Variants in HSD17B2 observed in about 807,000 individuals in gnomAD.
The protein encoded by HSD17B2 is 17-beta-hydroxysteroid dehydrogenase type 2.
In HSD17B2, 32 loss-of-function variants were observed where a neutral mutation model predicts 26.9. The ratio of observed to expected loss-of-function variants is 1.19; its 90% CI spans 0.90 to 1.60. The LOEUF is 1.60. HSD17B2 is among the 40% of genes most tolerant of loss of function. The pLI is 0.00. For synonymous variants in HSD17B2, 246 were observed against 186.7 expected (o/e 1.32, Z -2.59); for missense variants, 613 against 468.6 (o/e 1.31, Z -2.85).
chr16:82,056,422 C>T (rs1914270481), intron 1 of HSD17B2: 1 of 152,134 alleles, frequency 6.6e-6, no homozygotes, highest in Non-Finnish European at 1.5e-5. Context: ...TTTCTATTAA[C>T]CAAGCCACAG....
intron 1 of HSD17B2, among the ~76,000 whole-genome samples, chr16:82,047,210 T>C (rs186970871): frequency 6.6e-6 from 1 of 152,354 alleles, no homozygotes; most frequent in African/African-American, 2.4e-5. Context: ...ATGAAGCTTG[T>C]CACTGTTTTC....
chr16:82,046,826 T>A (rs1234569931), intron 1 of HSD17B2, among the ~76,000 whole-genome samples: 3 of 152,114 alleles, frequency 2.0e-5, no homozygotes, highest in African/African-American at 7.2e-5. Flanking sequence ...ATGAAGAAAT[T>A]GAGGTTTTTC....
chr16:82,067,061 A>T (rs1327790636), intron 1 of HSD17B2, among the ~76,000 whole-genome samples: 4 of 152,214 alleles, frequency 2.6e-5, no homozygotes, highest in South Asian at 2.1e-4. Context: ...GTGTATGTGA[A>T]CACCTGCCCT....
intron 1 of HSD17B2, among the ~76,000 whole-genome samples, chr16:82,066,379 C>T (rs1271050884): frequency 6.6e-6 from 1 of 152,198 alleles, no homozygotes; most frequent in African/African-American, 2.4e-5. Context: ...GGAGTACACA[C>T]ACCTTTTGCC....
intron 1 of HSD17B2, among the ~76,000 whole-genome samples, chr16:82,051,007 C>T (rs946296563): frequency 3.9e-4 from 60 of 152,180 alleles, no homozygotes; most frequent in Admixed American, 5.9e-4. Flanking sequence ...AAAATCCCTG[C>T]CAACTGATAA....
chr16:82,060,788 CGGA>C (rs1914416635), intron 1 of HSD17B2, among the ~76,000 whole-genome samples: 1 of 152,058 alleles, frequency 6.6e-6, no homozygotes, highest in Non-Finnish European at 1.5e-5. Flanking sequence ...AGGGAGCACT[CGGA>C]GGAGCTTTAG....
chr16:82,068,130 C>G, intron 1 of HSD17B2, 40 bp from the exon 2 acceptor site: 1 of 1,526,746 alleles, frequency 6.5e-7, no homozygotes, highest in Non-Finnish European at 9.1e-7. Context: ...TCCTGTCACT[C>G]TGGTTTGACC....
At chr16:82,073,386 G>C (rs1407610415) in intron 3 of HSD17B2, among the ~76,000 whole-genome samples, 3 of 151,894 alleles carry the variant, frequency 2.0e-5, no homozygotes. Flanking sequence ...ACCACACCTA[G>C]CTAATTTTTT....
chr16:82,057,816 C>G (rs982537254), intron 1 of HSD17B2, among the ~76,000 whole-genome samples: 3 of 152,176 alleles, frequency 2.0e-5, no homozygotes, highest in African/African-American at 7.2e-5. Context: ...GATGAGCACT[C>G]CGTCAAACTA....
chr16:82,036,044 T>C (rs1319797859), intron 1 of HSD17B2, among the ~76,000 whole-genome samples: 1 of 152,166 alleles, frequency 6.6e-6, no homozygotes, highest in East Asian at 1.9e-4. Context: ...TGTTCTGACA[T>C]CATTGTTTGG....
intron 1 of HSD17B2, among the ~76,000 whole-genome samples, chr16:82,054,972 G>A (rs918653978): frequency 6.6e-6 from 1 of 152,220 alleles, no homozygotes; most frequent in Non-Finnish European, 1.5e-5. Flanking sequence ...TTTGAGGCCA[G>A]ATGGTTCTTT....
chr16:82,057,347 C>T (rs1415246499), intron 1 of HSD17B2, among the ~76,000 whole-genome samples: 1 of 152,004 alleles, frequency 6.6e-6, no homozygotes, highest in Non-Finnish European at 1.5e-5. Flanking sequence ...TACAGGCGCG[C>T]ACCAACATGC....
At chr16:82,050,406 G>A (rs998091620) in intron 1 of HSD17B2, among the ~76,000 whole-genome samples, 2 of 151,702 alleles carry the variant, frequency 1.3e-5, no homozygotes, top group Admixed American at 1.3e-4. Flanking sequence ...ATATGTCCAC[G>A]GCTCGTCACC....
chr16:82,039,382 T>C (rs1014342159), intron 1 of HSD17B2, among the ~76,000 whole-genome samples: 3 of 148,898 alleles, frequency 2.0e-5, no homozygotes, highest in Non-Finnish European at 4.5e-5. Context: ...AATGACTGTA[T>C]TGGGGTGGTG....
At chr16:82,068,025 C>A (rs1914611687) in intron 1 of HSD17B2, 145 bp from the exon 2 acceptor site, 2 of 697,790 alleles carry the variant, frequency 2.9e-6, no homozygotes, top group Non-Finnish European at 4.8e-6. Flanking sequence ...CACCTCTCCA[C>A]TTAGAACATA....
At chr16:82,086,994 G>A (rs998886179) in intron 3 of HSD17B2, among the ~76,000 whole-genome samples, 3 of 152,122 alleles carry the variant, frequency 2.0e-5, no homozygotes, top group Admixed American at 1.3e-4. Context: ...TAATTCTGTT[G>A]GATCAAGGGC....
chr16:82,090,662 A>C (rs1033540268), intron 3 of HSD17B2, among the ~76,000 whole-genome samples: 2 of 152,106 alleles, frequency 1.3e-5, no homozygotes, highest in Non-Finnish European at 2.9e-5. Context: ...TTGAGCCTTC[A>C]ACTTGGTTTG....
rs1465863433 is a variant in HSD17B2 at position 82,037,351 on chromosome 16, C to A, written c.265+1662C>A. Among the ~76,000 whole-genome samples, 5 of 152,236 alleles carry A rather than the reference C, an allele frequency of 3.3e-5. No homozygotes were observed. The East Asian group carries it at 9.7e-4, about 29-fold the overall frequency. On this transcript the variant is annotated intron_variant, in intron 1 of 4. Transcript: ENST00000199936. Reference sequence around the variant, plus strand: ...AGGCCTCAAGACCTTTGTATGAAATCGAGAAATTTAAAATGAATTCATTTT... The same window carrying A: ...AGGCCTCAAGACCTTTGTATGAAATAGAGAAATTTAAAATGAATTCATTTT...
chr16:82,036,320 TTGTGTG>T (rs10609893), intron 1 of HSD17B2, among the ~76,000 whole-genome samples: 4,209 of 145,846 alleles, frequency 0.029, 126 homozygotes, highest in South Asian at 0.078. Flanking sequence ...TTTCCCTTGT[TTGTGTG>T]TGTGTGTGTG....
Sources: allele counts gnomAD v4.1 joint callset (sites outside exome capture counted in the v4.1 genomes callset), GRCh38; gene constraint gnomAD v4.1.1; transcripts MANE v1.5; gene names NCBI Gene and HGNC (gene_info 2026-07-23, HGNC 2026-07-21).